Variants in NRXN1 observed in about 807,000 individuals in gnomAD.
NRXN1 encodes the protein neurexin-1.
Under a neutral mutation model 150.9 loss-of-function variants are expected in NRXN1, and 39 were observed. That is an observed-to-expected ratio of 0.26 (90% CI 0.20 to 0.34). The LOEUF (loss-of-function observed/expected upper bound fraction) is 0.34, where lower values mean the gene tolerates loss of function less well. NRXN1 is among the 10% of genes least tolerant of loss of function. The pLI is 1.00. For synonymous variants in NRXN1, 924 were observed against 757.0 expected (o/e 1.22, Z -3.62); for missense variants, 1,815 against 1,949.9 (o/e 0.93, Z 1.30).
chr2:50,392,050 A>G (rs1297979022), intron 17 of NRXN1, among the ~76,000 whole-genome samples: 2 of 152,152 alleles, frequency 1.3e-5, no homozygotes, highest in Admixed American at 6.6e-5. Flanking sequence ...GTTGCCATCT[A>G]TGATAATCAT....
At chr2:50,684,008 C>G (rs181307299) in intron 5 of NRXN1, among the ~76,000 whole-genome samples, 3 of 152,112 alleles carry the variant, frequency 2.0e-5, no homozygotes, top group East Asian at 3.9e-4. Flanking sequence ...ATCCATCCAT[C>G]TATGCATTTC....
At chr2:50,247,655 A>G (rs1488609738) in intron 17 of NRXN1, among the ~76,000 whole-genome samples, 3 of 152,172 alleles carry the variant, frequency 2.0e-5, no homozygotes, top group African/African-American at 7.2e-5. Context: ...ACTCATCAAG[A>G]GTCGAGGGCA....
At chr2:50,441,538 GAAAGTTAGA>G (rs374592217) in intron 17 of NRXN1, among the ~76,000 whole-genome samples, 304 of 152,202 alleles carry the variant, frequency 2.0e-3, no homozygotes, top group African/African-American at 6.8e-3. Context: ...CAGTAGGTGG[GAAAGTTAGA>G]AAACAGTATG....
intron 18 of NRXN1, among the ~76,000 whole-genome samples, chr2:50,130,856 G>A (rs1705361713): frequency 6.6e-6 from 1 of 152,184 alleles, no homozygotes; most frequent in Admixed American, 6.5e-5. Flanking sequence ...AGCAGCTGCA[G>A]CCCAAGGCAT....
At chr2:49,957,366 T>C (rs888787821) in intron 21 of NRXN1, among the ~76,000 whole-genome samples, 13 of 152,302 alleles carry the variant, frequency 8.5e-5, no homozygotes, top group African/African-American at 2.6e-4. Flanking sequence ...ATTTATTACA[T>C]AGATACAACC....
chr2:50,360,023 G>T (rs2079078569), intron 17 of NRXN1, among the ~76,000 whole-genome samples: 1 of 152,156 alleles, frequency 6.6e-6, no homozygotes, highest in Non-Finnish European at 1.5e-5. Context: ...CATAAGTGAA[G>T]GAGAAATAAA....
chr2:49,996,245 A>C (rs1682980607), intron 21 of NRXN1, among the ~76,000 whole-genome samples: 1 of 152,230 alleles, frequency 6.6e-6, no homozygotes, highest in South Asian at 2.1e-4. Context: ...CAGAAGTAGA[A>C]ATAACTGTCT....
chr2:50,734,975 T>C (rs185617561), intron 5 of NRXN1, among the ~76,000 whole-genome samples: 6 of 152,172 alleles, frequency 3.9e-5, no homozygotes, highest in Admixed American at 2.0e-4. Context: ...AATATACCTG[T>C]TCAAATAAAA....
chr2:50,099,230 A>C (rs1262346317), intron 18 of NRXN1, among the ~76,000 whole-genome samples: 1 of 151,944 alleles, frequency 6.6e-6, no homozygotes, highest in African/African-American at 2.4e-5. Context: ...GCCCATTTCA[A>C]CCCCTCAAAC....
chr2:50,829,260 GGGGAGAGGGAGA>G (rs370389449), intron 5 of NRXN1, among the ~76,000 whole-genome samples: 47 of 150,608 alleles, frequency 3.1e-4, no homozygotes, highest in East Asian at 1.4e-3. Context: ...GGGAGACCGT[GGGGAGAGGGAGA>G]GGGAGAGGGA....
intron 5 of NRXN1, among the ~76,000 whole-genome samples, chr2:50,880,966 G>C (rs183740671): frequency 2.4e-3 from 362 of 151,988 alleles, no homozygotes; most frequent in African/African-American, 8.4e-3. Flanking sequence ...GTGTCTCAAC[G>C]GTGTCAGGAC....
At chr2:50,859,396 A>G (rs943673897) in intron 5 of NRXN1, among the ~76,000 whole-genome samples, 1 of 152,110 alleles carries the variant, frequency 6.6e-6, no homozygotes, top group African/African-American at 2.4e-5. Flanking sequence ...GCCACAGTAC[A>G]CTGCATGATT....
intron 5 of NRXN1, among the ~76,000 whole-genome samples, chr2:50,784,964 A>T (rs1024146362): frequency 6.6e-6 from 1 of 152,054 alleles, no homozygotes; most frequent in Non-Finnish European, 1.5e-5. Context: ...TGAAGCCCTA[A>T]CTCCCAATGT....
intron 5 of NRXN1, among the ~76,000 whole-genome samples, chr2:50,656,586 C>T (rs1318822314): frequency 6.6e-6 from 1 of 151,780 alleles, no homozygotes; most frequent in East Asian, 1.9e-4. Context: ...AGTAGTCTAA[C>T]CTGCTCTTCT....
chr2:50,947,540 G>C (rs1270560160), intron 2 of NRXN1, among the ~76,000 whole-genome samples: 1 of 151,710 alleles, frequency 6.6e-6, no homozygotes, highest in African/African-American at 2.4e-5. Flanking sequence ...TTCTAGACAA[G>C]ATAATATACC....
chr2:49,966,362 G>C (rs188340520), intron 21 of NRXN1, among the ~76,000 whole-genome samples: 45 of 152,160 alleles, frequency 3.0e-4, no homozygotes, highest in African/African-American at 1.1e-3. Context: ...TGCTAGACAT[G>C]ACAATTTTTC....
intron 18 of NRXN1, among the ~76,000 whole-genome samples, chr2:50,140,356 A>G (rs1707090678): frequency 6.6e-6 from 1 of 151,974 alleles, no homozygotes; most frequent in East Asian, 1.9e-4. Flanking sequence ...TGACCATGTT[A>G]CTCTTCTTAT....
chr2:50,482,966 G>A (rs376232990), intron 15 of NRXN1, among the ~76,000 whole-genome samples: 3 of 146,686 alleles, frequency 2.0e-5, no homozygotes, highest in East Asian at 2.0e-4. Flanking sequence ...CAGGAGAATC[G>A]CTTGAACCCG....
At chr2:50,415,341 G>C (rs766291827) in intron 17 of NRXN1, among the ~76,000 whole-genome samples, 3 of 152,094 alleles carry the variant, frequency 2.0e-5, no homozygotes, top group Non-Finnish European at 4.4e-5. Flanking sequence ...AGAGGTTGCA[G>C]TGTAAGGTGT....
Sources: gnomAD v4.1 joint callset for allele counts (sites outside exome capture counted in the v4.1 genomes callset) on GRCh38, gnomAD v4.1.1 for gene constraint, MANE v1.5 for transcripts, NCBI Gene and HGNC (gene_info 2026-07-23, HGNC 2026-07-21) for gene names.